The following ITFG2 variants were observed in gnomAD, a reference collection of about 807,000 sequenced individuals.
ITFG2 encodes the protein integrin alpha FG-GAP repeat containing 2.
In ITFG2, 36 loss-of-function variants were observed where a neutral mutation model predicts 54.4. That is an observed-to-expected ratio of 0.66 (90% confidence interval 0.51 to 0.87). The LOEUF (loss-of-function observed/expected upper bound fraction) is 0.87. Among genes scored for constraint, ITFG2 ranks in the 40% least tolerant of loss-of-function variants. The probability of loss-of-function intolerance (pLI) is 0.00; values close to 1 mark genes in which losing one functional copy is unlikely to be tolerated. For missense variants in ITFG2, 524 were observed against 576.7 expected, an observed-to-expected ratio of 0.91 and a Z score of 0.94; for synonymous variants, 211 against 225.4, an observed-to-expected ratio of 0.94 and a Z score of 0.57.
chr12:2,849,193 G>C, intron 2 of ITFG2: 1 of 1,504,432 alleles, frequency 6.6e-7, no homozygotes, highest in South Asian at 1.3e-5. Context: ...TGGAGCCTGG[G>C]GCTCTGGGTA....
chr12:2,834,132 G>A (rs748155083), upstream of ITFG2, among the ~76,000 whole-genome samples: 8 of 152,208 alleles, frequency 5.3e-5, no homozygotes, highest in East Asian at 3.9e-4. Context: ...CACTCAAGGC[G>A]GCCAGGGGCC....
downstream of ITFG2, chr12:2,828,249 C>T (rs926222846): frequency 3.1e-6 from 4 of 1,277,210 alleles, no homozygotes; most frequent in East Asian, 4.6e-5. Flanking sequence ...ATGCAACTGT[C>T]GTCACTATCT....
chr12:2,820,877 G>C lies in ITFG2; in HGVS notation c.695+5G>C. ...AGGGCCCACGGATGGTAGTAGGTAAGGGGGTACAGGCCAGTGGATGGTGTG... is the reference window on the plus strand; with the variant it reads ...AGGGCCCACGGATGGTAGTAGGTAACGGGGTACAGGCCAGTGGATGGTGTG... On this transcript the variant is annotated splice_donor_5th_base_variant and intron_variant, in intron 6 of 11. Transcript: ENST00000228799. 2 of 1,613,894 alleles carry C rather than the reference G, an allele frequency of 1.2e-6. No individual in the cohort carries two copies. The highest frequency in any genetic ancestry group is 1.7e-6 in the Non-Finnish European group (2 of 1,179,842).
chr12:2,831,444 T>G (rs2098002388), downstream of ITFG2, among the ~76,000 whole-genome samples: 1 of 151,958 alleles, frequency 6.6e-6, no homozygotes, highest in South Asian at 2.1e-4. Flanking sequence ...ATTAGCTAGA[T>G]GTATTGGCAT....
chr12:2,844,144 G>C (rs1173622399), intron 2 of ITFG2, among the ~76,000 whole-genome samples: 1 of 151,270 alleles, frequency 6.6e-6, no homozygotes. Flanking sequence ...TGTGGTCCCA[G>C]CTACTCAGGA....
Position 2,845,664 on chromosome 12 carries a change from C to T in ITFG2, n.300+4669C>T, listed in dbSNP as rs2098051605. 6.6e-6 allele frequency among the ~76,000 whole-genome samples: 1 copy of T among 152,048 alleles called. No homozygotes were observed. Among genetic ancestry groups the T allele is most frequent in the Non-Finnish European group, 1.5e-5 (1 of 68,004 alleles). On this transcript the variant is annotated intron_variant and non_coding_transcript_variant, in intron 2 of 3. Coordinates refer to the ITFG2 transcript ENST00000537710. This position sits in a 1 kb window ranked among gnomAD's most constrained non-coding sequence, Gnocchi z 4.2. ...ATGTGGGGGAAAGGGGTGTCCATAC[C>T]TTCACCCCTGCCTCCCTCTCAGAGC...
intron 3 of ITFG2, 47 bp downstream of exon 3, chr12:2,817,997 A>G: frequency 6.2e-7 from 1 of 1,611,262 alleles, no homozygotes; most frequent in Admixed American, 1.7e-5. Context: ...CACAGTGGAA[A>G]TCAGTTGAAG....
At chr12:2,849,430 C>A in intron 2 of ITFG2, 14 of 1,536,148 alleles carry the variant, frequency 9.1e-6, no homozygotes, top group Non-Finnish European at 1.2e-5. Context: ...AGGGTTTGGG[C>A]AGGGCCAGCT....
chr12:2,823,055 T>C, intron 10 of ITFG2, 144 bp downstream of exon 10: 1 of 664,028 alleles, frequency 1.5e-6, no homozygotes, highest in Non-Finnish European at 2.7e-6. Context: ...GTTCTTCAGC[T>C]CTTTTGTTTG....
chr12:2,821,898 T>C (rs2097946220), intron 9 of ITFG2, 106 bp downstream of exon 9: 2 of 819,594 alleles, frequency 2.4e-6, no homozygotes, highest in Non-Finnish European at 2.0e-6. Flanking sequence ...CTCCCAACCT[T>C]TATCTTTAGT....
intron 2 of ITFG2, among the ~76,000 whole-genome samples, chr12:2,846,520 G>A (rs1275930858): frequency 6.6e-6 from 1 of 152,032 alleles, no homozygotes; most frequent in African/African-American, 2.4e-5. Context: ...TTTGTGGTCC[G>A]GAGCAAGTCA....
chr12:2,851,539 C>T (rs921064330), intron 2 of ITFG2, among the ~76,000 whole-genome samples: 2 of 151,964 alleles, frequency 1.3e-5, no homozygotes, highest in South Asian at 2.1e-4. Flanking sequence ...GACAGGGTTT[C>T]GCCATGGTGG....
intron 1 of ITFG2, among the ~76,000 whole-genome samples, chr12:2,839,611 G>T (rs551431557): frequency 1.3e-5 from 2 of 152,290 alleles, no homozygotes; most frequent in South Asian, 4.1e-4. Context: ...CTATGTACTG[G>T]ACGCTGAGCT....
intron 1 of ITFG2, among the ~76,000 whole-genome samples, chr12:2,838,700 A>T (rs576621280): frequency 2.1e-4 from 32 of 152,186 alleles, no homozygotes; most frequent in African/African-American, 7.5e-4. Context: ...TCTCACTGCC[A>T]TCTTGGGGCA....
rs116543060 is a variant in ITFG2 at position 2,813,532 on chromosome 12, G to A, written c.96+676G>A. On this transcript the variant is annotated intron_variant, in intron 1 of 11. Coordinates refer to ENST00000228799, the MANE Select transcript of ITFG2 (RefSeq NM_018463.4). ...ATAATCAAGCTGTGTAATAGTCACCGGATAATAAAATGTAATGAGATGCAT... is the reference window on the plus strand; with the variant it reads ...ATAATCAAGCTGTGTAATAGTCACCAGATAATAAAATGTAATGAGATGCAT... 5.0e-3 allele frequency among the ~76,000 whole-genome samples: 759 copies of A among 152,238 alleles called. 11 individuals are homozygous for A. The highest frequency in any genetic ancestry group is 0.018 in the African/African-American group (727 of 41,540).
chr12:2,831,112 T>G (rs2098000359), downstream of ITFG2, among the ~76,000 whole-genome samples: 1 of 152,124 alleles, frequency 6.6e-6, no homozygotes. Context: ...GTCCATTCTC[T>G]GTTAAACTGA....
At chr12:2,841,740 A>T (rs1305357533) in intron 2 of ITFG2, among the ~76,000 whole-genome samples, 2 of 151,498 alleles carry the variant, frequency 1.3e-5, no homozygotes, top group African/African-American at 4.9e-5. Context: ...TTTCTTTGAG[A>T]CAGAGTCTCA....
At chr12:2,847,467 C>A (rs777379742) in intron 2 of ITFG2, among the ~76,000 whole-genome samples, 26 of 152,100 alleles carry the variant, frequency 1.7e-4, no homozygotes, top group Admixed American at 6.6e-4. Flanking sequence ...GGAGATCGAG[C>A]CCATCCTGGC....
chr12:2,827,372 C>T, downstream of ITFG2: 1 of 1,546,230 alleles, frequency 6.5e-7, no homozygotes, highest in African/African-American at 1.4e-5. The surrounding 1 kb of genome is among the most constrained non-coding windows in gnomAD (Gnocchi z 4.0). Context: ...CCTTTTGTTC[C>T]CCCTCCCACT....
Sources: allele counts gnomAD v4.1 joint callset (sites outside exome capture counted in the v4.1 genomes callset), GRCh38; gene constraint gnomAD v4.1.1; non-coding constraint Gnocchi (gnomAD v3.1); transcripts MANE v1.5; gene names NCBI Gene and HGNC (gene_info 2026-07-23, HGNC 2026-07-21).